Variants in GCNT2 observed in about 807,000 individuals in gnomAD.
GCNT2 encodes the protein N-acetyllactosaminide beta-1,6-N-acetylglucosaminyl-transferase.
GCNT2 carries 34 observed loss-of-function variants against 34.2 expected under a neutral mutation model. The observed-to-expected ratio is 1.00, with a 90% CI of 0.76 to 1.32. The LOEUF (loss-of-function observed/expected upper bound fraction) is 1.32, where lower values mean the gene tolerates loss of function less well. GCNT2 is among the 40% of genes most tolerant of loss of function. GCNT2 has a pLI of 0.00. For synonymous variants in GCNT2, 212 were observed against 188.0 expected (o/e 1.13, Z -1.04); for missense variants, 584 against 489.4 (o/e 1.19, Z -1.82).
At chr6:10,555,784 G>A in intron 3 of GCNT2, 1 of 985,420 alleles carries the variant, frequency 1.0e-6, no homozygotes, top group South Asian at 4.7e-5. Flanking sequence ...TGGGATGGAT[G>A]AGGCTTTCTT....
chr6:10,536,303 C>T (rs77841016), intron 3 of GCNT2, among the ~76,000 whole-genome samples: 6 of 151,994 alleles, frequency 3.9e-5, no homozygotes, highest in South Asian at 2.1e-4. Flanking sequence ...CTATTAGCTC[C>T]GCTTAAGCAA....
At chr6:10,567,717 A>G (rs1763352106) in intron 3 of GCNT2, among the ~76,000 whole-genome samples, 1 of 152,174 alleles carries the variant, frequency 6.6e-6, no homozygotes, top group Admixed American at 6.5e-5. Flanking sequence ...CCACAATGCA[A>G]TGTATAGAAT....
chr6:10,561,379 C>G (rs1350523335), intron 3 of GCNT2, among the ~76,000 whole-genome samples: 1 of 152,182 alleles, frequency 6.6e-6, no homozygotes, highest in East Asian at 1.9e-4. Flanking sequence ...TCAGGCTGGT[C>G]TCGAACTCCC....
chr6:10,623,205 G>A (rs891733884), intron 4 of GCNT2, among the ~76,000 whole-genome samples: 1 of 150,072 alleles, frequency 6.7e-6, no homozygotes, highest in East Asian at 2.0e-4. Context: ...CAACTGTAAA[G>A]AAATTTTGGT....
chr6:10,540,046 C>G (rs1010585975), intron 3 of GCNT2, among the ~76,000 whole-genome samples: 1 of 151,356 alleles, frequency 6.6e-6, no homozygotes, highest in Non-Finnish European at 1.5e-5. Context: ...ACATTGCACT[C>G]CAGTCTTGGT....
chr6:10,549,458 A>G (rs1308531122), intron 3 of GCNT2, among the ~76,000 whole-genome samples: 1 of 151,876 alleles, frequency 6.6e-6, no homozygotes, highest in Non-Finnish European at 1.5e-5. Flanking sequence ...TTGTCATACC[A>G]ATTCACACTT....
intron 3 of GCNT2, chr6:10,530,296 C>T (rs568767144): frequency 6.2e-5 from 10 of 161,646 alleles, no homozygotes; most frequent in East Asian, 1.8e-4. Context: ...ACCCAAGGGG[C>T]GGAGGTTGCA....
chr6:10,560,327 G>A (rs1364798780), intron 3 of GCNT2, among the ~76,000 whole-genome samples: 1 of 152,066 alleles, frequency 6.6e-6, no homozygotes, highest in Non-Finnish European at 1.5e-5. Flanking sequence ...CTGAGCTCAG[G>A]CGATCCGCCC....
At chr6:10,612,282 C>T (rs988566502) in intron 3 of GCNT2, among the ~76,000 whole-genome samples, 4 of 152,152 alleles carry the variant, frequency 2.6e-5, no homozygotes, top group African/African-American at 9.7e-5. Context: ...CCACCGCGCC[C>T]GGCCTTTGTT....
At chr6:10,621,004 G>A (rs1031838988) in intron 3 of GCNT2, among the ~76,000 whole-genome samples, 19 of 152,140 alleles carry the variant, frequency 1.2e-4, no homozygotes, top group African/African-American at 3.6e-4. Context: ...TGTCAATCGC[G>A]CTGAAGTGGA....
At chr6:10,580,348 G>A (rs1218508922) in intron 3 of GCNT2, among the ~76,000 whole-genome samples, 2 of 152,130 alleles carry the variant, frequency 1.3e-5, no homozygotes, top group African/African-American at 4.8e-5. Context: ...GCTGCCCTCT[G>A]TGAACTCACC....
intron 3 of GCNT2, among the ~76,000 whole-genome samples, chr6:10,579,301 T>C (rs991718049): frequency 6.6e-6 from 1 of 152,216 alleles, no homozygotes; most frequent in African/African-American, 2.4e-5. Context: ...AAACCCACTA[T>C]ATTAAATAAA....
intron 2 of GCNT2, chr6:10,528,295 T>C (rs965830653): frequency 6.4e-6 from 1 of 157,134 alleles, no homozygotes; most frequent in Admixed American, 6.0e-5. Context: ...GAGCGAGGTG[T>C]GGCTGTGGAA....
At chr6:10,579,174 TATTA>T (rs1243663793) in intron 3 of GCNT2, among the ~76,000 whole-genome samples, 2 of 152,248 alleles carry the variant, frequency 1.3e-5, no homozygotes, top group Non-Finnish European at 2.9e-5. Flanking sequence ...TACCTTTTCT[TATTA>T]ATTTATAGGC....
intron 3 of GCNT2, among the ~76,000 whole-genome samples, chr6:10,602,418 G>C (rs1765126498): frequency 6.6e-6 from 1 of 152,170 alleles, no homozygotes; most frequent in Admixed American, 6.5e-5. Flanking sequence ...TCATCCAAAT[G>C]TCCAGGTTAA....
chr6:10,615,427 A>G (rs1342064427), intron 3 of GCNT2, among the ~76,000 whole-genome samples: 1 of 152,006 alleles, frequency 6.6e-6, no homozygotes, highest in Non-Finnish European at 1.5e-5. Context: ...TGATCCTTCC[A>G]CCTCAGTCTC....
rs574613151 is a variant in GCNT2 at position 10,562,381 on chromosome 6, C to T, written c.925+32545C>T. On this transcript the variant is annotated intron_variant, in intron 3 of 4. Coordinates refer to ENST00000495262, the MANE Select transcript of GCNT2 (RefSeq NM_145649.5). ...AAATACTTTTTCCTGAGAGTTCCAG[C>T]GGCAGCTTAAGGGAGACCTCAGATT... Among the ~76,000 whole-genome samples the T allele has an allele frequency of 5.3e-5, 8 of 152,210 alleles. No individual in the cohort carries two copies. The South Asian group carries it at 6.2e-4, about 12-fold the overall frequency.
At chr6:10,598,248 C>T (rs1351247128) in intron 3 of GCNT2, among the ~76,000 whole-genome samples, 3 of 152,164 alleles carry the variant, frequency 2.0e-5, no homozygotes, top group Non-Finnish European at 1.5e-5. Context: ...CATGGGCTTC[C>T]GGTGACTTAT....
At chr6:10,560,157 C>A (rs974159381) in intron 3 of GCNT2, among the ~76,000 whole-genome samples, 1 of 152,068 alleles carries the variant, frequency 6.6e-6, no homozygotes, top group Non-Finnish European at 1.5e-5. Context: ...GGTGCGATCT[C>A]GGCTTACTGC....
Sources: gnomAD v4.1 joint callset for allele counts (sites outside exome capture counted in the v4.1 genomes callset) on GRCh38, gnomAD v4.1.1 for gene constraint, MANE v1.5 for transcripts, NCBI Gene and HGNC (gene_info 2026-07-23, HGNC 2026-07-21) for gene names.